Variants in EIF2AK3 observed in about 807,000 individuals in gnomAD.
The protein encoded by EIF2AK3 is eukaryotic translation initiation factor 2 alpha kinase 3, also known as eukaryotic translation initiation factor 2-alpha kinase 3.
In EIF2AK3, 50 loss-of-function variants were observed where a neutral mutation model predicts 113.5. The ratio of observed to expected loss-of-function variants is 0.44; its 90% confidence interval spans 0.35 to 0.56. The LOEUF (loss-of-function observed/expected upper bound fraction) is 0.56. Ranked by LOEUF, EIF2AK3 falls within the 20% of genes least tolerant of loss-of-function variation. EIF2AK3 has a pLI of 0.00. For missense variants in EIF2AK3, 1,185 were observed against 1,378.0 expected, an observed-to-expected ratio of 0.86 and a Z score of 2.22; for synonymous variants, 448 against 495.4, an observed-to-expected ratio of 0.90 and a Z score of 1.27.
Position 88,625,093 on chromosome 2 carries a change from TA to T in EIF2AK3, c.308+1873del, listed in dbSNP as rs376779247. 2.7e-4 allele frequency among the ~76,000 whole-genome samples: 41 copies of T among 152,312 alleles called. No individual in the cohort carries two copies. In the South Asian group the frequency reaches 7.5e-3, roughly 28 times the overall value. On this transcript the variant is annotated intron_variant, in intron 1 of 16. Transcript: ENST00000303236. ...CATGTGAATCACACGGTGATCTTGT[TA>T]AAATGCAGATACTCTCATTCAGGGA...
rs1674422053 is a variant in EIF2AK3 at position 88,575,137 on chromosome 2, C to T, written c.2346G>A (p.Gly782=). The change falls in exon 13 of 17, where the codon GGG becomes GGA. Residue 782 remains glycine (G), a synonymous_variant. Coordinates refer to ENST00000303236, the MANE Select transcript of EIF2AK3 (RefSeq NM_004836.7). ...EDGTMDGNDE[G]HSFELCPSEA... ...CAGAAGGACAAAGTTCAAAGGAGTG[C>T]CCCTCATCATTGCCATCCATAGTCC... 5 of 1,614,132 alleles carry T rather than the reference C, an allele frequency of 3.1e-6. No individual in the cohort carries two copies. The South Asian group carries it at 4.4e-5, about 14-fold the overall frequency.
intron 2 of EIF2AK3, among the ~76,000 whole-genome samples, chr2:88,606,076 A>C (rs1223175313): frequency 6.6e-6 from 1 of 152,206 alleles, no homozygotes; most frequent in African/African-American, 2.4e-5. Flanking sequence ...ATTAGTACTC[A>C]AGAGCAGAGA....
In EIF2AK3 at chr2:88,570,938, G is replaced by A; in HGVS notation, c.2921C>T (p.Pro974Leu). ...QDEEEQTVLT[P>L]MPAYARHTGQ... ...TGTGTGTCTGGCATAAGCTGGCATTGGGGTCAGAACCGTCTGCTCTTCCTC... is the reference window on the plus strand; with the variant it reads ...TGTGTGTCTGGCATAAGCTGGCATTAGGGTCAGAACCGTCTGCTCTTCCTC... Residue 974 changes from proline (P) to leucine (L), a missense_variant, in exon 14 of 17, where the codon CCA becomes CTA. This residue lies in a region of EIF2AK3 where 877 missense variants were observed against 1,024.2 expected (regional missense o/e 0.86). Transcript: ENST00000303236. 1.9e-6 allele frequency: 3 copies of A among 1,614,108 alleles called. No individual in the cohort carries two copies. Among genetic ancestry groups the A allele is most frequent in the Non-Finnish European group, 2.5e-6 (3 of 1,180,016 alleles).
chr2:88,621,512 A>C lies in EIF2AK3; in HGVS notation c.308+5455T>G, dbSNP rs538437783. Among the ~76,000 whole-genome samples, 42 of 152,354 alleles carry C rather than the reference A, an allele frequency of 2.8e-4. No homozygotes were observed. In the South Asian group the frequency reaches 8.5e-3, roughly 31 times the overall value. ...GGAGAGGGCGTTATTTCACAAAACTATAAATGTGATTTGGTTGAACCTGTT... is the reference window on the plus strand; with the variant it reads ...GGAGAGGGCGTTATTTCACAAAACTCTAAATGTGATTTGGTTGAACCTGTT... On this transcript the variant is annotated intron_variant, in intron 1 of 16. Transcript: ENST00000303236.
At chr2:88,571,274 A>G (rs568002085) in intron 13 of EIF2AK3, among the ~76,000 whole-genome samples, 1 of 152,192 alleles carries the variant, frequency 6.6e-6, no homozygotes, top group Non-Finnish European at 1.5e-5. Flanking sequence ...TTGAACATCT[A>G]CTTAAACCCT....
intron 14 of EIF2AK3, among the ~76,000 whole-genome samples, chr2:88,566,593 T>C (rs1278858684): frequency 1.3e-5 from 2 of 152,112 alleles, no homozygotes; most frequent in African/African-American, 4.8e-5. Context: ...TGTGCCATGG[T>C]GGTTTGCTGC....
intron 6 of EIF2AK3, among the ~76,000 whole-genome samples, chr2:88,589,184 T>A (rs1674818154): frequency 6.6e-6 from 1 of 152,208 alleles, no homozygotes; most frequent in Non-Finnish European, 1.5e-5. Context: ...GATAAGTCAC[T>A]GTACTCTCAC....
chr2:88,613,902 G>A, intron 1 of EIF2AK3, 49 bp from the exon 2 acceptor site: 2 of 1,538,798 alleles, frequency 1.3e-6, no homozygotes, highest in Middle Eastern at 3.8e-4. Context: ...CTAAGATATT[G>A]GGCACTTATC....
At chr2:88,599,269 CTAA>C (rs1261426811) in intron 2 of EIF2AK3, among the ~76,000 whole-genome samples, 1 of 152,044 alleles carries the variant, frequency 6.6e-6, no homozygotes, top group African/African-American at 2.4e-5. Flanking sequence ...TATACCTTAC[CTAA>C]TATTACCTTA....
At chr2:88,610,960 G>C (rs12151660) in intron 2 of EIF2AK3, among the ~76,000 whole-genome samples, 6,623 of 152,182 alleles carry the variant, frequency 0.044, 174 homozygotes, top group Non-Finnish European at 0.057. Context: ...GCTGAGGCAG[G>C]AGGATTGCTT....
At chr2:88,608,924 G>A (rs1043706890) in intron 2 of EIF2AK3, among the ~76,000 whole-genome samples, 1 of 150,382 alleles carries the variant, frequency 6.6e-6, no homozygotes, top group East Asian at 2.0e-4. Flanking sequence ...TGTAGAGATG[G>A]GGTTTTGCCA....
intron 12 of EIF2AK3, among the ~76,000 whole-genome samples, chr2:88,576,343 G>C (rs548715009): frequency 6.6e-6 from 1 of 152,044 alleles, no homozygotes. Flanking sequence ...GCCTCCCAAA[G>C]TGCTGGGATT....
intron 13 of EIF2AK3, among the ~76,000 whole-genome samples, chr2:88,572,527 G>A (rs1021491432): frequency 2.6e-5 from 4 of 152,132 alleles, no homozygotes; most frequent in African/African-American, 9.7e-5. Flanking sequence ...GTGGGAAAAA[G>A]CAATACTTTT....
intron 2 of EIF2AK3, among the ~76,000 whole-genome samples, chr2:88,605,652 A>G (rs1675252472): frequency 6.6e-6 from 1 of 152,216 alleles, no homozygotes; most frequent in South Asian, 2.1e-4. Flanking sequence ...ATATGTCTGT[A>G]TATTTTAATT....
Position 88,626,953 on chromosome 2 carries a change from C to T in EIF2AK3, c.308+14G>A. On this transcript the variant is annotated intron_variant, in intron 1 of 16. Transcript: ENST00000303236. The stretch of plus-strand genomic sequence containing the variant: ...CGTAAACAAGTTGCCTCCCCCGGGT[C>T]GGCAGCCCCTCACCTGCCGCGCGGT... The T allele has an allele frequency of 1.9e-6, 3 of 1,606,526 alleles. No individual in the cohort carries two copies. The South Asian group carries it at 3.3e-5, about 18-fold the overall frequency.
At chr2:88,579,367 C>G in intron 11 of EIF2AK3, 151 bp downstream of exon 11, 2 of 986,076 alleles carry the variant, frequency 2.0e-6, no homozygotes, top group South Asian at 3.2e-5. Flanking sequence ...TTTTAGACAG[C>G]TGGTTAATTG....
intron 15 of EIF2AK3, among the ~76,000 whole-genome samples, chr2:88,559,797 T>G (rs1673893509): frequency 1.3e-5 from 2 of 152,216 alleles, no homozygotes; most frequent in African/African-American, 4.8e-5. Context: ...ATTTCCTTCC[T>G]TGTAATGGTT....
chr2:88,606,275 C>T (rs2104458473), intron 2 of EIF2AK3, among the ~76,000 whole-genome samples: 1 of 149,382 alleles, frequency 6.7e-6, no homozygotes, highest in South Asian at 2.1e-4. Context: ...ATGACATAAA[C>T]AATGTACATG....
At position 88,593,316 on chromosome 2, in the gene EIF2AK3, G is replaced by A. The variant is rs1442466932; in HGVS notation, c.723C>T (p.Thr241=). 6.2e-7 allele frequency: 1 copy of A among 1,613,866 alleles called. No individual in the cohort carries two copies. The highest frequency in any genetic ancestry group is 8.5e-7 in the Non-Finnish European group (1 of 1,179,962). Reference sequence around the variant, plus strand: ...GTCCGACAGCTCTAACAGTTTTTTGGGTACGCTGTAGAAGCAGGATGTCTT... The same window carrying A: ...GTCCGACAGCTCTAACAGTTTTTTGAGTACGCTGTAGAAGCAGGATGTCTT... The part of the protein sequence containing the change: ...QEEDILLLQR[T]QKTVRAVGPR... Residue 241 remains threonine, a synonymous_variant, in exon 4 of 17, where the codon ACC becomes ACT. Coordinates refer to ENST00000303236, the MANE Select transcript of EIF2AK3 (RefSeq NM_004836.7).
Sources: gnomAD v4.1 joint callset for allele counts (sites outside exome capture counted in the v4.1 genomes callset) on GRCh38, gnomAD v4.1.1 for gene constraint, gnomAD v4.1.1 regional missense constraint, MANE v1.5 for transcripts, NCBI Gene and HGNC (gene_info 2026-07-23, HGNC 2026-07-21) for gene names.